Variants in MVB12B observed in about 807,000 individuals in gnomAD.
MVB12B encodes multivesicular body subunit 12B.
Under a neutral mutation model 41.6 loss-of-function variants are expected in MVB12B, and 16 were observed. That is an observed-to-expected ratio of 0.38 (90% CI 0.26 to 0.58). MVB12B has a LOEUF of 0.58. Ranked by LOEUF, MVB12B falls within the 20% of genes least tolerant of loss-of-function variation. The pLI, the probability that MVB12B is intolerant of heterozygous loss-of-function variation, is 0.62. For missense variants in MVB12B, 274 were observed against 380.2 expected (o/e 0.72, Z 2.32); for synonymous variants, 133 against 139.7 (o/e 0.95, Z 0.34).
intron 2 of MVB12B, among the ~76,000 whole-genome samples, chr9:126,363,227 C>G (rs12380056): frequency 0.051 from 7,696 of 152,216 alleles, 213 homozygotes; most frequent in Middle Eastern, 0.078. Context: ...ATAGATTTCT[C>G]TTACATTCAA....
intron 6 of MVB12B, among the ~76,000 whole-genome samples, chr9:126,403,647 C>T (rs578198530): frequency 7.2e-5 from 11 of 152,278 alleles, no homozygotes; most frequent in South Asian, 2.1e-4. Context: ...ATTGCATCAC[C>T]GTTCATCAAA....
rs1325555526 is a variant in MVB12B, at chr9:126,395,801, A to T, written c.662+104A>T. 6.5e-7 allele frequency: 1 copy of T among 1,527,752 alleles called. No homozygotes were observed. Among genetic ancestry groups the T allele is most frequent in the African/African-American group, 1.4e-5 (1 of 71,948 alleles). The allele number at this position is 1,527,752 out of a possible 1,614,324, so 94.6% of individuals were successfully genotyped here. The stretch of plus-strand genomic sequence containing the variant: ...TGTCTGCTGAAATACTGCAAAGTAC[A>T]GCTGAATAATTGTAGAAGCAATATA... On this transcript the variant is annotated intron_variant, in intron 6 of 9. Transcript: ENST00000361171. The surrounding 1 kb of genome is among the most constrained non-coding windows in gnomAD (Gnocchi z 4.9).
chr9:126,448,129 T>A (rs1832823390), intron 7 of MVB12B: 1 of 153,682 alleles, frequency 6.5e-6, no homozygotes, highest in African/African-American at 2.4e-5. Context: ...CTCTGACCTG[T>A]CTGTGTCTCC....
chr9:126,341,448 A>G (rs1348096333), intron 2 of MVB12B, among the ~76,000 whole-genome samples: 1 of 152,174 alleles, frequency 6.6e-6, no homozygotes, highest in Non-Finnish European at 1.5e-5. Context: ...TTTGTTTGTG[A>G]CGTTTTGTTC....
chr9:126,390,429 G>A (rs189896779), intron 4 of MVB12B, among the ~76,000 whole-genome samples: 2 of 152,314 alleles, frequency 1.3e-5, no homozygotes, highest in Non-Finnish European at 2.9e-5. Flanking sequence ...TGTCTGACTC[G>A]TGTATTAAAT....
chr9:126,465,315 T>C (rs758348749), intron 7 of MVB12B, among the ~76,000 whole-genome samples: 6 of 152,178 alleles, frequency 3.9e-5, no homozygotes, highest in Non-Finnish European at 8.8e-5. Flanking sequence ...TAGTTGCACA[T>C]TAGAATCACC....
At chr9:126,416,180 TA>T (rs1359043003) in intron 6 of MVB12B, among the ~76,000 whole-genome samples, 1 of 152,178 alleles carries the variant, frequency 6.6e-6, no homozygotes, top group Non-Finnish European at 1.5e-5. Context: ...AGCCAGACTC[TA>T]AAATAATGCC....
intron 2 of MVB12B, among the ~76,000 whole-genome samples, chr9:126,358,256 T>G (rs940959135): frequency 1.3e-5 from 2 of 152,162 alleles, no homozygotes; most frequent in African/African-American, 4.8e-5. Flanking sequence ...TCTTTTAACT[T>G]TATTCTTTTT....
Position 126,340,566 on chromosome 9 carries a change from T to C in MVB12B, c.140T>C (p.Met47Thr), listed in dbSNP as rs1829417040. The change falls in exon 2 of 10, where the codon ATG (methionine) becomes ACG (threonine). Residue 47 changes from methionine to threonine, a missense_variant. Met to Thr is a moderately conservative substitution (Grantham distance 81, BLOSUM62 -1). Transcript: ENST00000361171. This position sits in a 1 kb window ranked among gnomAD's most constrained non-coding sequence, Gnocchi z 4.0. ...TCAGAAGCCTTGCCAGAAACGTCAA[T>C]GGATCCCATCACGGGAGTCGGGGTG... ...DLSEALPETS[M>T]DPITGVGVVA... The C allele has an allele frequency of 3.1e-6, 5 of 1,614,078 alleles. No individual in the cohort carries two copies. The highest frequency in any genetic ancestry group is 2.7e-5 in the African/African-American group (2 of 74,936).
chr9:126,434,636 A>G (rs1390517049), intron 7 of MVB12B, among the ~76,000 whole-genome samples: 1 of 152,208 alleles, frequency 6.6e-6, no homozygotes, highest in African/African-American at 2.4e-5. Context: ...TGCCCTGTGT[A>G]GCAAAACGCC....
At chr9:126,354,228 G>A (rs1052754602) in intron 2 of MVB12B, among the ~76,000 whole-genome samples, 3 of 152,024 alleles carry the variant, frequency 2.0e-5, no homozygotes, top group African/African-American at 7.3e-5. Flanking sequence ...TTCTTTGCCT[G>A]TTATATATGT....
rs372538913 is a variant in MVB12B at position 126,421,837 on chromosome 9, G to A, written c.663-17G>A. The A allele has an allele frequency of 4.6e-5, 74 of 1,597,804 alleles. No individual in the cohort carries two copies. Among genetic ancestry groups the A allele is most frequent in the East Asian group, 3.1e-4 (14 of 44,796 alleles). Reference sequence around the variant, plus strand: ...TGCTCCTTGTAATCTCCTTTCTCTCGTCCTTCTCTTCCTCAGGCACATCTC... The same window carrying A: ...TGCTCCTTGTAATCTCCTTTCTCTCATCCTTCTCTTCCTCAGGCACATCTC... On this transcript the variant is annotated splice_polypyrimidine_tract_variant and intron_variant, in intron 6 of 9. Transcript: ENST00000361171.
chr9:126,497,361 G>A (rs1256647082), intron 9 of MVB12B, among the ~76,000 whole-genome samples: 1 of 152,154 alleles, frequency 6.6e-6, no homozygotes, highest in South Asian at 2.1e-4. Context: ...GCTTCCTAAA[G>A]GGTCTGCGGG....
chr9:126,375,982 C>T (rs973806383), intron 2 of MVB12B, among the ~76,000 whole-genome samples: 1 of 152,138 alleles, frequency 6.6e-6, no homozygotes, highest in African/African-American at 2.4e-5. Context: ...TTTTCATCCA[C>T]TTTTGTGGAA....
At chr9:126,479,465 A>G (rs1833481030) in intron 7 of MVB12B, among the ~76,000 whole-genome samples, 3 of 152,174 alleles carry the variant, frequency 2.0e-5, no homozygotes, top group African/African-American at 7.2e-5. Context: ...GCATACACGC[A>G]TAGGTACTTA....
intron 7 of MVB12B, among the ~76,000 whole-genome samples, chr9:126,451,256 C>T (rs770912397): frequency 1.3e-5 from 2 of 152,180 alleles, no homozygotes; most frequent in Non-Finnish European, 2.9e-5. Context: ...AAGCCTCATT[C>T]AAGAATTGCA....
chr9:126,453,985 A>G (rs1380890442), intron 7 of MVB12B, among the ~76,000 whole-genome samples: 3 of 152,200 alleles, frequency 2.0e-5, no homozygotes, highest in East Asian at 1.9e-4. Flanking sequence ...GGAAAGTCTA[A>G]GTGAGAAACA....
At chr9:126,425,295 AT>A (rs1832143065) in intron 7 of MVB12B, among the ~76,000 whole-genome samples, 1 of 152,296 alleles carries the variant, frequency 6.6e-6, no homozygotes, top group East Asian at 1.9e-4. Context: ...AAAAAAATTA[AT>A]TTTTTAAAAT....
chr9:126,463,029 C>T (rs946484748), intron 7 of MVB12B, among the ~76,000 whole-genome samples: 2 of 152,246 alleles, frequency 1.3e-5, no homozygotes, highest in African/African-American at 2.4e-5. Context: ...CATGTCAGTT[C>T]GGCATCAGCT....
Sources: gnomAD v4.1 joint callset for allele counts (sites outside exome capture counted in the v4.1 genomes callset) on GRCh38, gnomAD v4.1.1 for gene constraint, Gnocchi (gnomAD v3.1) non-coding constraint, MANE v1.5 for transcripts, NCBI Gene and HGNC (gene_info 2026-07-23, HGNC 2026-07-21) for gene names.